The following CCL13 variants were observed in gnomAD, a reference collection of about 807,000 sequenced individuals.
CCL13 encodes the protein C-C motif chemokine ligand 13.
Under a neutral mutation model 6.6 loss-of-function variants are expected in CCL13, and 5 were observed. The ratio of observed to expected loss-of-function variants is 0.76; its 90% CI spans 0.40 to 1.60. The LOEUF is 1.60. Among genes scored for constraint, CCL13 ranks in the 40% most tolerant of loss-of-function variants. The pLI is 0.02. For synonymous variants in CCL13, 39 were observed against 43.0 expected (o/e 0.91, Z 0.37); for missense variants, 117 against 114.2 (o/e 1.02, Z -0.11).
chr17:34,356,721 C>A, intron 1 of CCL13, 119 bp downstream of exon 1: 1 of 677,990 alleles, frequency 1.5e-6, no homozygotes, highest in Admixed American at 2.4e-5. Flanking sequence ...GTTGCCCAGG[C>A]TGAAGTGCAG....
At chr17:34,357,888 C>T in intron 2 of CCL13, 138 bp from the exon 3 acceptor site, 2 of 625,872 alleles carry the variant, frequency 3.2e-6, no homozygotes, top group East Asian at 2.7e-5. Context: ...TGTCCACACA[C>T]CTCCTACTTC....
At position 34,356,540 on chromosome 17, in the gene CCL13, C is replaced by T; in HGVS notation, c.14C>T (p.Ala5Val). The change falls in exon 1 of 3, where the codon GCA (alanine) becomes GTA (valine). Residue 5 changes from alanine to valine, a missense_variant. Transcript: ENST00000225844. ...TTAACCTTCAACATGAAAGTCTCTG[C>T]AGTGCTTCTGTGCCTGCTGCTCATG... MKVS[A>V]VLLCLLLMTA... is the part of the protein sequence containing the mutation. 2 of 1,612,646 alleles carry T rather than the reference C, an allele frequency of 1.2e-6. No individual in the cohort carries two copies. The highest frequency in any genetic ancestry group is 2.2e-5 in the South Asian group (2 of 91,028).
chr17:34,356,681 C>T, intron 1 of CCL13, 79 bp downstream of exon 1: 2 of 1,026,366 alleles, frequency 1.9e-6, no homozygotes, highest in Non-Finnish European at 3.0e-6. Context: ...GAGTGCTCCT[C>T]CACTTTTTTT....
rs920256881 is a variant in CCL13 at position 34,358,497 on chromosome 17, A to G, written c.*366A>G. ...CATGAAGGGATGCTGCAATGTAGGA[A>G]GGAGAGCTCTTTGTGAATGTGAGGT... is the stretch of plus-strand genomic sequence containing the variant. On this transcript the variant is annotated 3_prime_UTR_variant, in exon 3 of 3. Coordinates refer to ENST00000225844, the MANE Select transcript of CCL13 (RefSeq NM_005408.3). 3.5e-6 allele frequency: 1 copy of G among 283,780 alleles called. No homozygotes were observed. Among genetic ancestry groups the G allele is most frequent in the African/African-American group, 2.3e-5 (1 of 43,386 alleles). The allele number at this position is 283,780 out of a possible 1,614,324, so 17.6% of individuals were successfully genotyped here.
In CCL13 at chr17:34,358,459, T is replaced by C. The variant is rs1910413539; in HGVS notation, c.*328T>C. 3.0e-6 allele frequency: 1 copy of C among 337,988 alleles called. No homozygotes were observed. Among genetic ancestry groups the C allele is most frequent in the Admixed American group, 5.0e-5 (1 of 19,826 alleles). 20.9% of individuals were successfully genotyped at this position (337,988 alleles called of 1,614,324 possible). A position where few individuals can be genotyped will look rare whatever the true frequency, so the allele number is the denominator to read the frequency against. On this transcript the variant is annotated 3_prime_UTR_variant, in exon 3 of 3. Transcript: ENST00000225844. ...TTCCCAGGGGTTGAGAGCATGCCTG[T>C]GGGAGTCATGGACATGAAGGGATGC...
chr17:34,356,957 G>A lies in CCL13; in HGVS notation c.76+355G>A, dbSNP rs149019155. Among the ~76,000 whole-genome samples the A allele has an allele frequency of 8.0e-3, 1,217 of 152,312 alleles. 5 individuals are homozygous for A. The highest frequency in any genetic ancestry group is 0.011 in the Non-Finnish European group (747 of 68,030). On this transcript the variant is annotated intron_variant, in intron 1 of 2. Coordinates refer to ENST00000225844, the MANE Select transcript of CCL13 (RefSeq NM_005408.3). Reference sequence around the variant, plus strand: ...CCCAAAGTGCTGGGATTACAGGCGTGAGCCACCAGGCCCAGCCAAGTGCCC... The same window carrying A: ...CCCAAAGTGCTGGGATTACAGGCGTAAGCCACCAGGCCCAGCCAAGTGCCC...
Position 34,358,435 on chromosome 17 carries a change from T to C in CCL13, c.*304T>C. The C allele has an allele frequency of 1.3e-5, 5 of 373,136 alleles. No individual in the cohort carries two copies. Among genetic ancestry groups the C allele is most frequent in the South Asian group, 1.3e-4 (5 of 38,316 alleles). The allele number at this position is 373,136 out of a possible 1,614,324, so 23.1% of individuals were successfully genotyped here. A position where few individuals can be genotyped will look rare whatever the true frequency, so the allele number is the denominator to read the frequency against. ...TGCTGGCAGTGGGTTTGTATTCGGT[T>C]CCCAGGGGTTGAGAGCATGCCTGTG... On this transcript the variant is annotated 3_prime_UTR_variant, in exon 3 of 3. Transcript: ENST00000225844.
In CCL13 at chr17:34,358,458, G is replaced by T. The variant is rs937484917; in HGVS notation, c.*327G>T. The T allele has an allele frequency of 7.9e-5, 27 of 340,134 alleles. No individual in the cohort carries two copies. The highest frequency in any genetic ancestry group is 1.5e-4 in the Non-Finnish European group (27 of 184,324). 21.1% of individuals were successfully genotyped at this position (340,134 alleles called of 1,614,324 possible). On this transcript the variant is annotated 3_prime_UTR_variant, in exon 3 of 3. Transcript: ENST00000225844. ...GTTCCCAGGGGTTGAGAGCATGCCT[G>T]TGGGAGTCATGGACATGAAGGGATG...
chr17:34,357,706 C>A, intron 2 of CCL13, 117 bp downstream of exon 2: 4 of 705,136 alleles, frequency 5.7e-6, no homozygotes, highest in Admixed American at 2.3e-5. Context: ...TGAGATCTAG[C>A]CAGACTGTGT....
Position 34,357,554 on chromosome 17 carries a change from G to T in CCL13, c.156G>T (p.Val52=), listed in dbSNP as rs2141947769. Residue 52 remains valine, a synonymous_variant, in exon 2 of 3, where the codon GTG becomes GTT. Transcript: ENST00000225844. ...KISLQRLKSY[V]ITTSRCPQKA... The stretch of plus-strand genomic sequence containing the variant: ...CCTTGCAGAGGCTGAAGAGCTATGT[G>T]ATCACCACCAGCAGGTGTCCCCAGA... 2 of 1,613,160 alleles carry T rather than the reference G, an allele frequency of 1.2e-6. No individual in the cohort carries two copies. Among genetic ancestry groups the T allele is most frequent in the Non-Finnish European group, 1.7e-6 (2 of 1,179,198 alleles).
chr17:34,357,389 C>T, intron 1 of CCL13, 86 bp from the exon 2 acceptor site: 3 of 845,728 alleles, frequency 3.5e-6, no homozygotes, highest in East Asian at 2.5e-5. Context: ...CTTTGCTTTG[C>T]ATCCCATACA....
intron 1 of CCL13, 81 bp from the exon 2 acceptor site, chr17:34,357,394 C>T: frequency 1.1e-6 from 1 of 889,372 alleles, no homozygotes; most frequent in Non-Finnish European, 1.9e-6. Flanking sequence ...CTTTGCATCC[C>T]ATACAGATGC....
intron 1 of CCL13, 68 bp downstream of exon 1, chr17:34,356,670 C>A (rs944456374): frequency 4.5e-6 from 5 of 1,117,948 alleles, no homozygotes; most frequent in East Asian, 2.4e-5. Flanking sequence ...GACCTAAGCC[C>A]GAGTGCTCCT....
rs1262019255 is a variant in CCL13 at position 34,357,475 on chromosome 17, A to T, written c.77A>T (p.Asp26Val). Residue 26 changes from aspartate to valine, a missense_variant and splice_region_variant, in exon 2 of 3, where the codon GAT becomes GTT. Transcript: ENST00000225844. ...TCTTTTTCTTTGTAACTATTTCTAG[A>T]TGCACTCAACGTCCCATCTACTTGC... ...AFNPQGLAQP[D>V]ALNVPSTCCF... 2 of 1,600,682 alleles carry T rather than the reference A, an allele frequency of 1.2e-6. No homozygotes were observed.
At position 34,358,044 on chromosome 17, in the gene CCL13, C is replaced by A; in HGVS notation, c.210C>A (p.Gly70=). The change falls in exon 3 of 3, where the codon GGC becomes GGA. Residue 70 remains glycine (G), a synonymous_variant. Coordinates refer to ENST00000225844, the MANE Select transcript of CCL13 (RefSeq NM_005408.3). The part of the protein sequence containing the change: ...QKAVIFRTKL[G]KEICADPKEK... ...TCCACAGCTTCAGAACCAAACTGGGCAAGGAGATCTGTGCTGACCCAAAGG... is the reference window on the plus strand; with the variant it reads ...TCCACAGCTTCAGAACCAAACTGGGAAAGGAGATCTGTGCTGACCCAAAGG... 1 of 1,613,188 alleles carries A rather than the reference C, an allele frequency of 6.2e-7. No homozygotes were observed.
chr17:34,358,302 G>T lies in CCL13; in HGVS notation c.*171G>T, dbSNP rs1910408511. ...TGTTAAGTAATATTGGCTATTATTTGACTTGTTGCTGGTTTGGAGTTTATT... is the reference window on the plus strand; with the variant it reads ...TGTTAAGTAATATTGGCTATTATTTTACTTGTTGCTGGTTTGGAGTTTATT... On this transcript the variant is annotated 3_prime_UTR_variant, in exon 3 of 3. Transcript: ENST00000225844. 3 of 625,688 alleles carry T rather than the reference G, an allele frequency of 4.8e-6. No individual in the cohort carries two copies. The highest frequency in any genetic ancestry group is 5.6e-6 in the Non-Finnish European group (2 of 355,236). 38.8% of individuals were successfully genotyped at this position (625,688 alleles called of 1,614,324 possible).
rs1910404898 is a variant in CCL13 at position 34,358,195 on chromosome 17, C to A, written c.*64C>A. On this transcript the variant is annotated 3_prime_UTR_variant, in exon 3 of 3. Transcript: ENST00000225844. ...AAATGACTTTTCCATTCTCCTCTGG[C>A]CTCCTCTTCTATGCTTTGGAATACT... The A allele has an allele frequency of 9.3e-7, 1 of 1,078,748 alleles. No individual in the cohort carries two copies. The highest frequency in any genetic ancestry group is 1.3e-5 in the South Asian group (1 of 77,340). 66.8% of individuals were successfully genotyped at this position (1,078,748 alleles called of 1,614,324 possible). A position where few individuals can be genotyped will look rare whatever the true frequency, so the allele number is the denominator to read the frequency against.
Position 34,358,166 on chromosome 17 carries a change from C to A in CCL13, c.*35C>A, listed in dbSNP as rs751463485. On this transcript the variant is annotated 3_prime_UTR_variant, in exon 3 of 3. Coordinates refer to ENST00000225844, the MANE Select transcript of CCL13 (RefSeq NM_005408.3). Reference sequence around the variant, plus strand: ...CCCCTACTGAAATCAAGCTGGAGTACGTGAAATGACTTTTCCATTCTCCTC... The same window carrying A: ...CCCCTACTGAAATCAAGCTGGAGTAAGTGAAATGACTTTTCCATTCTCCTC... 1.3e-5 allele frequency: 18 copies of A among 1,431,762 alleles called. No individual in the cohort carries two copies. Among genetic ancestry groups the A allele is most frequent in the Non-Finnish European group, 1.8e-5 (18 of 1,014,914 alleles). The allele number at this position is 1,431,762 out of a possible 1,614,324, so 88.7% of individuals were successfully genotyped here.
chr17:34,356,583 C>A lies in CCL13; in HGVS notation c.57C>A (p.Pro19=). Residue 19 remains proline (P), a synonymous_variant, in exon 1 of 3, where the codon CCC becomes CCA. Transcript: ENST00000225844. ...TGCTCATGACAGCAGCTTTCAACCC[C>A]CAGGGACTTGCTCAGCCAGGTAAGT... ...CLLLMTAAFN[P]QGLAQPDALN... The A allele has an allele frequency of 6.2e-7, 1 of 1,613,176 alleles. No homozygotes were observed. Among genetic ancestry groups the A allele is most frequent in the Non-Finnish European group, 8.5e-7 (1 of 1,179,210 alleles).
Sources: gnomAD v4.1 joint callset for allele counts (sites outside exome capture counted in the v4.1 genomes callset) on GRCh38, gnomAD v4.1.1 for gene constraint, MANE v1.5 for transcripts, NCBI Gene and HGNC (gene_info 2026-07-23, HGNC 2026-07-21) for gene names.